Variants in DOT1L observed in about 807,000 individuals in gnomAD.
DOT1L encodes histone-lysine N-methyltransferase, H3 lysine-79 specific.
DOT1L carries 33 observed loss-of-function variants against 153.3 expected under a neutral mutation model. That is an observed-to-expected ratio of 0.22 (90% CI 0.16 to 0.29). The LOEUF is 0.29. Ranked by LOEUF, DOT1L falls within the 10% of genes least tolerant of loss-of-function variation. The probability of loss-of-function intolerance (pLI) is 1.00; values close to 1 mark genes in which losing one functional copy is unlikely to be tolerated. For synonymous variants in DOT1L, 1,135 were observed against 965.1 expected, an observed-to-expected ratio of 1.18 and a Z score of -3.26; for missense variants, 1,847 against 2,119.9, an observed-to-expected ratio of 0.87 and a Z score of 2.53.
At chr19:2,187,762 A>G (rs1483284325) in intron 3 of DOT1L, among the ~76,000 whole-genome samples, 2 of 152,136 alleles carry the variant, frequency 1.3e-5, no homozygotes, top group African/African-American at 4.8e-5. Context: ...CTCTACTAAA[A>G]ATACAAAAAA....
chr19:2,207,451 T>G lies in DOT1L; in HGVS notation c.857-123T>G. On this transcript the variant is annotated intron_variant, in intron 10 of 27. Coordinates refer to ENST00000398665, the MANE Select transcript of DOT1L (RefSeq NM_032482.3). This position sits in a 1 kb window ranked among gnomAD's most constrained non-coding sequence, Gnocchi z 4.5. ...TGGGCCACTGTGGCCTGACGCAGTG[T>G]GGGAGAAGAGGGAAGACGCGCAGCT... 1 of 771,180 alleles carries G rather than the reference T, an allele frequency of 1.3e-6. No individual in the cohort carries two copies. 47.8% of individuals were successfully genotyped at this position (771,180 alleles called of 1,614,324 possible). A position where few individuals can be genotyped will look rare whatever the true frequency, so the allele number is the denominator to read the frequency against.
intron 1 of DOT1L, among the ~76,000 whole-genome samples, chr19:2,169,933 G>T (rs2144653556): frequency 6.6e-6 from 1 of 152,340 alleles, no homozygotes; most frequent in South Asian, 2.1e-4. Flanking sequence ...AAGGCGGGCA[G>T]ATCACCTGCG....
rs748637415 is a variant in DOT1L at position 2,226,859 on chromosome 19, G to GGCGGCGTCCTCCGCAGGCGGC, written c.4353_4373dup (p.Gly1452_Ala1458dup). 23 of 1,577,740 alleles carry GGCGGCGTCCTCCGCAGGCGGC rather than the reference G, an allele frequency of 1.5e-5. No individual in the cohort carries two copies. Among genetic ancestry groups the GGCGGCGTCCTCCGCAGGCGGC allele is most frequent in the Non-Finnish European group, 1.7e-5 (20 of 1,170,654 alleles). ...TCCTCAGCGGCCCCGGCCTGGCCCC[G>GGCGGCGTCCTCCGCAGGCGGC]GCGGCGTCCTCCGCAGGCGGCGCGG... On this transcript the variant is annotated inframe_insertion, in exon 27 of 28. Coordinates refer to ENST00000398665, the MANE Select transcript of DOT1L (RefSeq NM_032482.3).
rs1467723073 is a variant in DOT1L at position 2,222,965 on chromosome 19, C to T, written c.3391-316C>T. ...TCCTCCACCACGTGCGGCCTGGCAG[C>T]CTGGGAAGAGGCGGCCGACAGCTGT... is the stretch of plus-strand genomic sequence containing the variant. On this transcript the variant is annotated intron_variant, in intron 24 of 27. Coordinates refer to ENST00000398665, the MANE Select transcript of DOT1L (RefSeq NM_032482.3). The surrounding 1 kb of genome is among the most constrained non-coding windows in gnomAD (Gnocchi z 6.5). 2.2e-6 allele frequency: 1 copy of T among 447,612 alleles called. No homozygotes were observed. Among genetic ancestry groups the T allele is most frequent in the Non-Finnish European group, 4.0e-6 (1 of 251,906 alleles). 27.7% of individuals were successfully genotyped at this position (447,612 alleles called of 1,614,324 possible).
At position 2,231,233 on chromosome 19, in the gene DOT1L, G is replaced by GCC. The variant is rs777757600; in HGVS notation, c.*1443_*1444dup. On this transcript the variant is annotated 3_prime_UTR_variant, in exon 28 of 28. Coordinates refer to ENST00000398665, the MANE Select transcript of DOT1L (RefSeq NM_032482.3). ...CCCTGGGCTGTGTGGCACTTGCTGA[G>GCC]CCCACCTTCTCAAGTGCTTGCTCCT... The GCC allele has an allele frequency of 5.0e-4, 115 of 228,036 alleles. No individual in the cohort carries two copies. The highest frequency in any genetic ancestry group is 1.1e-3 in the Admixed American group (20 of 17,598). The allele number at this position is 228,036 out of a possible 1,614,324, so 14.1% of individuals were successfully genotyped here.
chr19:2,189,804 C>T lies in DOT1L; in HGVS notation c.264+9C>T, dbSNP rs200627822. 23 of 1,611,644 alleles carry T rather than the reference C, an allele frequency of 1.4e-5. No individual in the cohort carries two copies. In the African/African-American group the frequency reaches 2.8e-4, roughly 20 times the overall value. On this transcript the variant is annotated intron_variant, in intron 4 of 27. Transcript: ENST00000398665. ...ACAGCATCCACCAGCTGGTAGGTGG[C>T]TTGCCCCTGCCCAGAGGGGGTTAGT...
Position 2,217,974 on chromosome 19 carries a change from G to T in DOT1L, c.2691+56G>T. Reference sequence around the variant, plus strand: ...GGCCACGTTGAGGCAAAACAGTCTGGGGTGCTCGAGACCTGGCTCACTTTG... The same window carrying T: ...GGCCACGTTGAGGCAAAACAGTCTGTGGTGCTCGAGACCTGGCTCACTTTG... On this transcript the variant is annotated intron_variant, in intron 22 of 27. Coordinates refer to ENST00000398665, the MANE Select transcript of DOT1L (RefSeq NM_032482.3). This position sits in a 1 kb window ranked among gnomAD's most constrained non-coding sequence, Gnocchi z 7.3. 1.9e-6 allele frequency: 3 copies of T among 1,579,578 alleles called. No individual in the cohort carries two copies. The highest frequency in any genetic ancestry group is 2.3e-5 in the East Asian group (1 of 44,094).
chr19:2,218,588 T>C (rs1284846929), intron 22 of DOT1L, among the ~76,000 whole-genome samples: 8 of 151,318 alleles, frequency 5.3e-5, no homozygotes, highest in Admixed American at 6.6e-5. Context: ...AGAGATGGGG[T>C]TTCACCGTGT....
At chr19:2,171,199 C>T (rs144230840) in intron 1 of DOT1L, among the ~76,000 whole-genome samples, 26 of 152,276 alleles carry the variant, frequency 1.7e-4, no homozygotes, top group Middle Eastern at 3.4e-3. Context: ...AGCTTTGGGC[C>T]TCAGCCTCAG....
intron 10 of DOT1L, 126 bp downstream of exon 10, chr19:2,206,923 T>C: frequency 1.0e-6 from 1 of 971,718 alleles, no homozygotes; most frequent in East Asian, 2.7e-5. Flanking sequence ...GGGGTGGGGC[T>C]GTCCTGGGCA....
chr19:2,173,521 C>T (rs1294341837), intron 1 of DOT1L, among the ~76,000 whole-genome samples: 2 of 152,322 alleles, frequency 1.3e-5, no homozygotes, highest in Non-Finnish European at 1.5e-5. Context: ...GGTGCCTGCT[C>T]TTCCTTAGCG....
Position 2,222,915 on chromosome 19 carries a change from A to AGG in DOT1L, c.3390+360_3390+361dup. On this transcript the variant is annotated intron_variant, in intron 24 of 27. Coordinates refer to ENST00000398665, the MANE Select transcript of DOT1L (RefSeq NM_032482.3). The surrounding 1 kb of genome is among the most constrained non-coding windows in gnomAD (Gnocchi z 6.5). ...AACACAAAAAAAAACAGGTGGAGGCAGGGGGCCATGACTGAGCCCGGCCAT... is the reference window on the plus strand; with the variant it reads ...AACACAAAAAAAAACAGGTGGAGGCAGGGGGGGCCATGACTGAGCCCGGCCAT... 2.5e-6 allele frequency: 1 copy of AGG among 400,728 alleles called. No individual in the cohort carries two copies. Among genetic ancestry groups the AGG allele is most frequent in the Non-Finnish European group, 4.5e-6 (1 of 224,164 alleles). 24.8% of individuals were successfully genotyped at this position (400,728 alleles called of 1,614,324 possible).
chr19:2,227,797 G>A (rs762581039), intron 27 of DOT1L: 12 of 1,309,246 alleles, frequency 9.2e-6, no homozygotes, highest in African/African-American at 1.5e-5. Context: ...CGTGTCGGCC[G>A]CGGGGCTGCA....
At chr19:2,229,693 G>C in intron 27 of DOT1L, 92 bp from the exon 28 acceptor site, 1 of 1,607,142 alleles carries the variant, frequency 6.2e-7, no homozygotes, top group South Asian at 1.1e-5. Context: ...GTGTGCTCGT[G>C]GGAGGCCTCG....
At chr19:2,219,179 G>A (rs544483042) in intron 22 of DOT1L, among the ~76,000 whole-genome samples, 17 of 152,220 alleles carry the variant, frequency 1.1e-4, no homozygotes, top group Admixed American at 6.5e-4. Context: ...GCCAATTTTT[G>A]TATTTTTAAT....
At chr19:2,225,342 G>T (rs1348568257) in intron 25 of DOT1L, 46 bp from the exon 26 acceptor site, 4 of 1,565,812 alleles carry the variant, frequency 2.6e-6, no homozygotes, top group Admixed American at 1.7e-5. Flanking sequence ...GTCATTCTTA[G>T]TATGCAGCTG....
chr19:2,226,731 C>A lies in DOT1L; in HGVS notation c.4210C>A (p.Pro1404Thr). ...GCTGTGCGGGCCCACGGACAAGACC[C>A]CACTGCTGAGCGGCAAGGCCGCCAA... Reference protein sequence around the residue: ...LPLCGPTDKTPLLSGKAAKAR... With the variant: ...LPLCGPTDKTTLLSGKAAKAR... Residue 1404 changes from proline to threonine, a missense_variant, in exon 27 of 28, where the codon CCA becomes ACA. Physicochemically the swap from Pro to Thr is conservative, Grantham distance 38. Coordinates refer to ENST00000398665, the MANE Select transcript of DOT1L (RefSeq NM_032482.3). 1.9e-6 allele frequency: 3 copies of A among 1,559,808 alleles called. No individual in the cohort carries two copies. Among genetic ancestry groups the A allele is most frequent in the South Asian group, 2.4e-5 (2 of 83,792 alleles).
In DOT1L at chr19:2,226,437, C is replaced by T. The variant is rs551775222; in HGVS notation, c.3916C>T (p.Leu1306Phe). 4.3e-5 allele frequency: 69 copies of T among 1,601,190 alleles called. No homozygotes were observed. The African/African-American group carries it at 8.3e-4, about 19-fold the overall frequency. ...FPGSLSGADG[L>F]SPGTNPANGC... ...CGGCTCCCTGTCGGGGGCTGACGGACTCAGCCCGGGCACCAACCCTGCCAA... is the reference window on the plus strand; with the variant it reads ...CGGCTCCCTGTCGGGGGCTGACGGATTCAGCCCGGGCACCAACCCTGCCAA... Residue 1306 changes from leucine (L) to phenylalanine (F), a missense_variant, in exon 27 of 28, where the codon CTC becomes TTC. By Grantham distance (22) the Leu-to-Phe change is conservative. Coordinates refer to ENST00000398665, the MANE Select transcript of DOT1L (RefSeq NM_032482.3).
intron 19 of DOT1L, chr19:2,214,811 A>C (rs1039749184): frequency 1.7e-6 from 1 of 601,808 alleles, no homozygotes; most frequent in Non-Finnish European, 2.7e-6. Flanking sequence ...TCTCGGGGGC[A>C]TCTCGGGATT....
Sources: allele counts gnomAD v4.1 joint callset (sites outside exome capture counted in the v4.1 genomes callset), GRCh38; gene constraint gnomAD v4.1.1; non-coding constraint Gnocchi (gnomAD v3.1); transcripts MANE v1.5; gene names NCBI Gene and HGNC (gene_info 2026-07-23, HGNC 2026-07-21).